The following MBNL1 variants were observed in gnomAD, a reference collection of about 807,000 sequenced individuals.
MBNL1 encodes the protein muscleblind-like protein 1.
In MBNL1, 8 loss-of-function variants were observed where a neutral mutation model predicts 42.2. The observed-to-expected ratio is 0.19, with a 90% CI of 0.11 to 0.34. The LOEUF is 0.34. Ranked by LOEUF, MBNL1 falls within the 10% of genes least tolerant of loss-of-function variation. The pLI is 1.00. For missense variants in MBNL1, 309 were observed against 495.3 expected, an observed-to-expected ratio of 0.62 and a Z score of 3.57; for synonymous variants, 169 against 173.9, an observed-to-expected ratio of 0.97 and a Z score of 0.22.
chr3:152,399,665 A>AT (rs1360902713), intron 2 of MBNL1, among the ~76,000 whole-genome samples: 11 of 151,618 alleles, frequency 7.3e-5, no homozygotes, highest in Admixed American at 1.3e-4. Context: ...ACACCTGTCT[A>AT]TTTTTTTTCT....
At chr3:152,248,260 C>T (rs969995324) in intron 2 of MBNL1, among the ~76,000 whole-genome samples, 4 of 151,946 alleles carry the variant, frequency 2.6e-5, no homozygotes, top group African/African-American at 4.8e-5. Flanking sequence ...TGCAATTAGG[C>T]GGCCTTCTGA....
Position 152,445,610 on chromosome 3 carries a change from A to G in MBNL1, c.807+71A>G, listed in dbSNP as rs1429347442. 3 of 1,475,108 alleles carry G rather than the reference A, an allele frequency of 2.0e-6. No homozygotes were observed. In the East Asian group the frequency reaches 6.9e-5, roughly 34 times the overall value. The allele number at this position is 1,475,108 out of a possible 1,614,324, so 91.4% of individuals were successfully genotyped here. A position where few individuals can be genotyped will look rare whatever the true frequency, so the allele number is the denominator to read the frequency against. ...AAAGTGAGCAACTATATCTGACTACAAGCTATTCATTTAGTAACCTTTTTA... is the reference window on the plus strand; with the variant it reads ...AAAGTGAGCAACTATATCTGACTACGAGCTATTCATTTAGTAACCTTTTTA... On this transcript the variant is annotated intron_variant, in intron 5 of 9. Transcript: ENST00000324210.
chr3:152,421,727 C>T (rs2098808298), intron 3 of MBNL1, among the ~76,000 whole-genome samples: 1 of 152,128 alleles, frequency 6.6e-6, no homozygotes, highest in African/African-American at 2.4e-5. Flanking sequence ...GGACTAACAG[C>T]AGATTTCTCT....
At chr3:152,326,179 A>C (rs1224577533) in intron 2 of MBNL1, among the ~76,000 whole-genome samples, 1 of 152,196 alleles carries the variant, frequency 6.6e-6, no homozygotes, top group Non-Finnish European at 1.5e-5. Context: ...TGATTGTCAC[A>C]GCAATGTCCT....
At chr3:152,338,939 T>C (rs937041168) in intron 2 of MBNL1, among the ~76,000 whole-genome samples, 15 of 152,332 alleles carry the variant, frequency 9.8e-5, no homozygotes, top group African/African-American at 3.6e-4. Flanking sequence ...TGTGAAGCAC[T>C]TTTTCACAAT....
intron 2 of MBNL1, among the ~76,000 whole-genome samples, chr3:152,384,458 C>T (rs1046921983): frequency 1.3e-5 from 2 of 152,058 alleles, no homozygotes; most frequent in Non-Finnish European, 2.9e-5. Context: ...TTAGAAGTTA[C>T]ATTTGTAAAA....
chr3:152,404,732 C>T (rs2098376734), intron 2 of MBNL1, among the ~76,000 whole-genome samples: 1 of 149,652 alleles, frequency 6.7e-6, no homozygotes, highest in South Asian at 2.1e-4. Flanking sequence ...AGATATATAA[C>T]TTTTTCATTA....
intron 2 of MBNL1, among the ~76,000 whole-genome samples, chr3:152,326,778 A>ATTATTTATTTATTTATTTAT (rs3988216): frequency 6.5e-4 from 92 of 142,014 alleles, no homozygotes; most frequent in Middle Eastern, 3.6e-3. Context: ...CCTTGGGAAA[A>ATTATTTATTTATTTATTTAT]TTATTTATTT....
At chr3:152,294,954 A>G (rs2057943031) in intron 1 of MBNL1, among the ~76,000 whole-genome samples, 1 of 152,178 alleles carries the variant, frequency 6.6e-6, no homozygotes, top group Non-Finnish European at 1.5e-5. Context: ...TGATATCAGC[A>G]GTTTAGTGAA....
intron 2 of MBNL1, among the ~76,000 whole-genome samples, chr3:152,253,123 G>T (rs924185619): frequency 2.0e-5 from 3 of 152,062 alleles, no homozygotes; most frequent in Admixed American, 1.3e-4. Context: ...ACTCCACACA[G>T]ATTATTAAAG....
At chr3:152,425,476 C>T (rs2098912552) in intron 3 of MBNL1, among the ~76,000 whole-genome samples, 1 of 151,990 alleles carries the variant, frequency 6.6e-6, no homozygotes, top group Non-Finnish European at 1.5e-5. Flanking sequence ...GGCATGGTGG[C>T]ACACACGTGT....
At chr3:152,313,051 C>G (rs2067919418) in intron 2 of MBNL1, among the ~76,000 whole-genome samples, 1 of 150,204 alleles carries the variant, frequency 6.7e-6, no homozygotes, top group Non-Finnish European at 1.5e-5. Context: ...GAGACGGAGT[C>G]TCGCCCTTTC....
chr3:152,276,091 T>G (rs1336236074), intron 1 of MBNL1, among the ~76,000 whole-genome samples: 1 of 152,180 alleles, frequency 6.6e-6, no homozygotes, highest in Non-Finnish European at 1.5e-5. Context: ...ACTTTTACCT[T>G]AAAGATCATG....
rs1008001595 is a variant in MBNL1 at position 152,463,908 on chromosome 3, G to A, written c.*1542G>A. 6.6e-6 allele frequency: 1 copy of A among 152,512 alleles called. No individual in the cohort carries two copies. Among genetic ancestry groups the A allele is most frequent in the Non-Finnish European group, 1.5e-5 (1 of 67,980 alleles). 9.4% of individuals were successfully genotyped at this position (152,512 alleles called of 1,614,324 possible). On this transcript the variant is annotated 3_prime_UTR_variant, in exon 10 of 10. Transcript: ENST00000324210. ...AACTTTCCATACTTCCAAGTTTACT[G>A]CAAGTTTTTATGCTTGAGAGAGATG...
chr3:152,441,583 C>T (rs534032802), intron 4 of MBNL1, among the ~76,000 whole-genome samples: 4 of 152,128 alleles, frequency 2.6e-5, no homozygotes, highest in Non-Finnish European at 5.9e-5. Flanking sequence ...GGGAAATTTT[C>T]CTGATTATGT....
chr3:152,340,401 T>G, intron 2 of MBNL1: 3 of 1,124,414 alleles, frequency 2.7e-6, no homozygotes, highest in Non-Finnish European at 2.5e-6. Context: ...AAGATTGTAA[T>G]GACAATGACT....
intron 2 of MBNL1, among the ~76,000 whole-genome samples, chr3:152,349,313 A>G (rs572685673): frequency 1.3e-5 from 2 of 152,218 alleles, no homozygotes; most frequent in South Asian, 4.1e-4. Flanking sequence ...GTTACCTACA[A>G]TGTCTTGTTT....
At chr3:152,331,584 C>T (rs1312277190) in intron 2 of MBNL1, among the ~76,000 whole-genome samples, 1 of 151,900 alleles carries the variant, frequency 6.6e-6, no homozygotes, top group Non-Finnish European at 1.5e-5. Context: ...TCATTTATTT[C>T]TCGGTAAAGC....
chr3:152,395,218 T>C (rs2097880027), intron 2 of MBNL1, among the ~76,000 whole-genome samples: 1 of 152,190 alleles, frequency 6.6e-6, no homozygotes, highest in African/African-American at 2.4e-5. Flanking sequence ...GGATAAGTAG[T>C]TTTTATCCTG....
Sources: gnomAD v4.1 joint callset for allele counts (sites outside exome capture counted in the v4.1 genomes callset) on GRCh38, gnomAD v4.1.1 for gene constraint, MANE v1.5 for transcripts, NCBI Gene and HGNC (gene_info 2026-07-23, HGNC 2026-07-21) for gene names.